Variants in HTN1 observed in about 807,000 individuals in gnomAD.
The protein encoded by HTN1 is histatin 1, also known as histatin-1.
A neutral mutation model predicts 11.2 loss-of-function variants in HTN1; 18 were observed. That is an observed-to-expected ratio of 1.61 (90% CI 1.12 to 2.39). HTN1 has a LOEUF of 2.39. Ranked by LOEUF, HTN1 falls within the 30% of genes most tolerant of loss-of-function variation. HTN1 has a pLI of 0.00. For missense variants in HTN1, 80 were observed against 67.2 expected, an observed-to-expected ratio of 1.19 and a Z score of -0.67; for synonymous variants, 21 against 20.5, an observed-to-expected ratio of 1.02 and a Z score of -0.07.
chr4:70,052,084 C>T (rs149095896), intron 1 of HTN1, among the ~76,000 whole-genome samples: 244 of 152,190 alleles, frequency 1.6e-3, no homozygotes, highest in African/African-American at 5.5e-3. Context: ...ATATCAGAGT[C>T]CCAGATGAGG....
intron 1 of HTN1, chr4:70,052,793 TAAA>T (rs35058239): frequency 2.9e-4 from 62 of 217,498 alleles, no homozygotes; most frequent in South Asian, 7.8e-4. Context: ...CATTCTCTAC[TAAA>T]AAAAAAAAAA....
At chr4:70,053,189 A>G in intron 2 of HTN1, 62 bp downstream of exon 2, 1 of 1,099,202 alleles carries the variant, frequency 9.1e-7, no homozygotes, top group Non-Finnish European at 1.4e-6. Context: ...TGTCTCTCTT[A>G]TTCCTTGTGT....
intron 1 of HTN1, among the ~76,000 whole-genome samples, chr4:70,051,966 A>G (rs1031423533): frequency 1.6e-4 from 24 of 152,160 alleles, no homozygotes; most frequent in African/African-American, 5.5e-4. Context: ...GTATTTTCCA[A>G]TGGAAATGCT....
At chr4:70,053,787 T>A (rs1725959541) in intron 2 of HTN1, among the ~76,000 whole-genome samples, 1 of 152,002 alleles carries the variant, frequency 6.6e-6, no homozygotes, top group Admixed American at 6.6e-5. Flanking sequence ...AGAAAATTGG[T>A]CACAAAAGAA....
chr4:70,053,748 C>G (rs1273635813), intron 2 of HTN1, among the ~76,000 whole-genome samples: 1 of 152,092 alleles, frequency 6.6e-6, no homozygotes, highest in Admixed American at 6.6e-5. Context: ...TCCTCCTCCT[C>G]CTCCTCCTCC....
intron 5 of HTN1, chr4:70,057,899 G>A (rs1380898481): frequency 5.9e-5 from 9 of 152,126 alleles, no homozygotes; most frequent in Non-Finnish European, 1.0e-4. Flanking sequence ...CAACTCTAAT[G>A]AGCAATTGCT....
intron 4 of HTN1, among the ~76,000 whole-genome samples, chr4:70,055,168 T>C (rs1365977017): frequency 6.6e-6 from 1 of 151,986 alleles, no homozygotes; most frequent in Non-Finnish European, 1.5e-5. Flanking sequence ...CTTTCCATAA[T>C]ACTCAATAGT....
At chr4:70,057,836 G>A (rs1157535152) in intron 5 of HTN1, 1 of 152,214 alleles carries the variant, frequency 6.6e-6, no homozygotes, top group East Asian at 1.9e-4. Context: ...CTTTGAAGAA[G>A]TTGCACAACC....
intron 1 of HTN1, among the ~76,000 whole-genome samples, chr4:70,051,163 A>T (rs1182946290): frequency 1.3e-5 from 2 of 152,180 alleles, no homozygotes; most frequent in African/African-American, 4.8e-5. Context: ...TTACAAGAAG[A>T]TACTGATAAA....
intron 1 of HTN1, among the ~76,000 whole-genome samples, chr4:70,051,704 A>G (rs958570151): frequency 8.5e-5 from 13 of 152,196 alleles, no homozygotes; most frequent in African/African-American, 3.1e-4. Flanking sequence ...AATTGAGTGA[A>G]GCAAAATAAA....
chr4:70,050,501 A>G lies in HTN1; in HGVS notation c.-14+6A>G, dbSNP rs1410408958. 3.9e-5 allele frequency: 6 copies of G among 152,178 alleles called. No individual in the cohort carries two copies. Among genetic ancestry groups the G allele is most frequent in the Non-Finnish European group, 5.9e-5 (4 of 68,016 alleles). 9.4% of individuals were successfully genotyped at this position (152,178 alleles called of 1,614,324 possible). The stretch of plus-strand genomic sequence containing the variant: ...ACTCTCCTCTTGAGTAAAAGGTAAT[A>G]TGTTCAAGTACAATCTAATATTATA... On this transcript the variant is annotated splice_donor_region_variant and intron_variant, in intron 1 of 5. Coordinates refer to ENST00000246896, the MANE Select transcript of HTN1 (RefSeq NM_002159.4).
chr4:70,054,281 A>G (rs1434544564), intron 2 of HTN1, 41 bp from the exon 3 acceptor site: 6 of 1,211,228 alleles, frequency 5.0e-6, no homozygotes, highest in Non-Finnish European at 6.9e-6. Flanking sequence ...GAATTATAAA[A>G]TTAAAATATT....
chr4:70,056,611 T>A (rs1726049808), intron 5 of HTN1: 1 of 152,078 alleles, frequency 6.6e-6, no homozygotes, highest in Non-Finnish European at 1.5e-5. Context: ...ACCTAGAGAA[T>A]GGGAGAAAAT....
At chr4:70,051,445 A>G (rs1398024813) in intron 1 of HTN1, among the ~76,000 whole-genome samples, 4 of 152,122 alleles carry the variant, frequency 2.6e-5, no homozygotes, top group Non-Finnish European at 4.4e-5. Flanking sequence ...GTTTTTCATA[A>G]CCATTAATTG....
intron 4 of HTN1, among the ~76,000 whole-genome samples, 166 bp from the exon 5 acceptor site, chr4:70,055,332 T>C (rs1726009026): frequency 1.3e-5 from 2 of 152,080 alleles, no homozygotes; most frequent in South Asian, 4.1e-4. Context: ...TTAGACATTT[T>C]TCTGATAAAA....
At chr4:70,052,504 C>T (rs1391490818) in intron 1 of HTN1, among the ~76,000 whole-genome samples, 1 of 152,066 alleles carries the variant, frequency 6.6e-6, no homozygotes, top group Non-Finnish European at 1.5e-5. Context: ...TTATAGGCTC[C>T]CAACACCACC....
At chr4:70,056,073 GA>G (rs1174537486) in intron 5 of HTN1, 1 of 152,220 alleles carries the variant, frequency 6.6e-6, no homozygotes, top group East Asian at 1.9e-4. Flanking sequence ...TCTTATCCAT[GA>G]GAATGGAATG....
intron 5 of HTN1, chr4:70,056,021 A>C (rs2109730364): frequency 6.5e-6 from 1 of 153,246 alleles, no homozygotes; most frequent in African/African-American, 2.4e-5. Flanking sequence ...TGAATCTATA[A>C]ATTACTTTGA....
chr4:70,058,468 T>G (rs1048598834), intron 5 of HTN1, 112 bp from the exon 6 acceptor site: 6 of 152,168 alleles, frequency 3.9e-5, no homozygotes, highest in Admixed American at 1.3e-4. Flanking sequence ...GGTCCCTGCA[T>G]TATAATAAAT....
Sources: gnomAD v4.1 joint callset for allele counts (sites outside exome capture counted in the v4.1 genomes callset) on GRCh38, gnomAD v4.1.1 for gene constraint, MANE v1.5 for transcripts, NCBI Gene and HGNC (gene_info 2026-07-23, HGNC 2026-07-21) for gene names.